Variants in DPP6 observed in about 807,000 individuals in gnomAD.
DPP6 encodes dipeptidyl peptidase like 6, also known as A-type potassium channel modulatory protein DPP6.
In DPP6, 69 loss-of-function variants were observed where a neutral mutation model predicts 122.6. The ratio of observed to expected loss-of-function variants is 0.56; its 90% confidence interval spans 0.46 to 0.69. The LOEUF is 0.69. Among genes scored for constraint, DPP6 ranks in the 30% least tolerant of loss-of-function variants. The pLI, the probability that DPP6 is intolerant of heterozygous loss-of-function variation, is 0.00. For missense variants in DPP6, 928 were observed against 1,116.9 expected (o/e 0.83, Z 2.41); for synonymous variants, 418 against 433.1 (o/e 0.97, Z 0.43).
At chr7:154,642,189 C>A (rs1836146819) in intron 6 of DPP6, among the ~76,000 whole-genome samples, 1 of 152,120 alleles carries the variant, frequency 6.6e-6, no homozygotes, top group South Asian at 2.1e-4. Flanking sequence ...ACCCTGCAGC[C>A]ACATAGACCT....
intron 3 of DPP6, among the ~76,000 whole-genome samples, chr7:154,497,521 A>G (rs933868285): frequency 1.3e-5 from 2 of 151,964 alleles, no homozygotes; most frequent in Non-Finnish European, 2.9e-5. Context: ...AGGCAGGACA[A>G]TCATTTGAAC....
At chr7:154,748,286 A>C (rs948379337) in intron 8 of DPP6, among the ~76,000 whole-genome samples, 1 of 152,180 alleles carries the variant, frequency 6.6e-6, no homozygotes, top group Non-Finnish European at 1.5e-5. Context: ...GTCAGTCTGC[A>C]GTAACAGCTA....
chr7:154,495,250 G>A (rs1332335350), intron 3 of DPP6, among the ~76,000 whole-genome samples: 2 of 152,186 alleles, frequency 1.3e-5, no homozygotes, highest in African/African-American at 4.8e-5. Context: ...CGTTTCTGCA[G>A]GCCCCTCTCT....
At chr7:153,993,668 G>A (rs189131787) in intron 1 of DPP6, among the ~76,000 whole-genome samples, 1 of 152,302 alleles carries the variant, frequency 6.6e-6, no homozygotes, top group Admixed American at 6.5e-5. Flanking sequence ...ATCATAATGG[G>A]TGTGAGTTCT....
chr7:154,630,890 A>C (rs980216503), intron 5 of DPP6, among the ~76,000 whole-genome samples: 8 of 152,210 alleles, frequency 5.3e-5, no homozygotes, highest in African/African-American at 1.9e-4. Context: ...AGCATGGCAC[A>C]TGTATACCTA....
intron 7 of DPP6, among the ~76,000 whole-genome samples, chr7:154,694,656 A>G (rs116366601): frequency 0.02 from 3,036 of 152,158 alleles, 102 homozygotes; most frequent in African/African-American, 0.069. Context: ...TGTATGTACT[A>G]ATCTTCAACA....
intron 1 of DPP6, among the ~76,000 whole-genome samples, chr7:154,022,913 G>C (rs1798773342): frequency 6.6e-6 from 1 of 152,198 alleles, no homozygotes; most frequent in South Asian, 2.1e-4. Flanking sequence ...CAACTGGTTT[G>C]CATGTGGCTT....
In DPP6 at chr7:154,755,860, C is replaced by T. The variant is rs138332238; in HGVS notation, c.884-13557C>T. ...GTTAGGACAAGGTGGCCTCTGTCTTCATCGTGTGTCTTGGGTCCCCCTTCG... is the reference window on the plus strand; with the variant it reads ...GTTAGGACAAGGTGGCCTCTGTCTTTATCGTGTGTCTTGGGTCCCCCTTCG... On this transcript the variant is annotated intron_variant, in intron 8 of 25. Coordinates refer to ENST00000377770, the MANE Select transcript of DPP6 (RefSeq NM_130797.4). This position sits in a 1 kb window ranked among gnomAD's most constrained non-coding sequence, Gnocchi z 4.7. 9.0e-3 allele frequency among the ~76,000 whole-genome samples: 1,367 copies of T among 152,324 alleles called. 7 individuals are homozygous for T. Among genetic ancestry groups the T allele is most frequent in the Middle Eastern group, 0.017 (5 of 294 alleles).
the DPP6 span, among the ~76,000 whole-genome samples, chr7:153,792,585 T>A: frequency 6.6e-6 from 1 of 152,230 alleles, no homozygotes; most frequent in African/African-American, 2.4e-5. Context: ...ATTTTGTCAG[T>A]GTTTGTCTTT....
At position 154,159,192 on chromosome 7, in the gene DPP6, G is replaced by A. The variant is rs1397909037; in HGVS notation, c.243+106129G>A. ...CCCGCACCCGGGCCCTCCCATCCCC[G>A]AGCCCCTGCTCCGTGGTTCCTGGCA... On this transcript the variant is annotated intron_variant, in intron 1 of 25. Coordinates refer to ENST00000377770, the MANE Select transcript of DPP6 (RefSeq NM_130797.4). Among the ~76,000 whole-genome samples, 5 of 152,202 alleles carry A rather than the reference G, an allele frequency of 3.3e-5. No homozygotes were observed. In the East Asian group the frequency reaches 9.7e-4, roughly 29 times the overall value.
chr7:153,999,759 G>A (rs554625439), intron 1 of DPP6, among the ~76,000 whole-genome samples: 9 of 152,312 alleles, frequency 5.9e-5, no homozygotes, highest in African/African-American at 1.9e-4. Flanking sequence ...AAGAGTTTGA[G>A]ACTAGCCTGG....
chr7:154,499,763 C>T (rs1055450005), intron 3 of DPP6, among the ~76,000 whole-genome samples: 1 of 152,024 alleles, frequency 6.6e-6, no homozygotes, highest in Non-Finnish European at 1.5e-5. Flanking sequence ...CCCCCCAGAT[C>T]CCATACACTA....
intron 7 of DPP6, among the ~76,000 whole-genome samples, chr7:154,713,790 A>G (rs1841331237): frequency 6.6e-6 from 1 of 152,108 alleles, no homozygotes; most frequent in East Asian, 1.9e-4. Context: ...TGCCCTGGGG[A>G]CATTTTCCCT....
At chr7:154,444,186 G>A (rs1395318432) in intron 1 of DPP6, among the ~76,000 whole-genome samples, 4 of 152,128 alleles carry the variant, frequency 2.6e-5, no homozygotes, top group Non-Finnish European at 4.4e-5. Flanking sequence ...GGCCAGGCGC[G>A]GTGGCTCACG....
chr7:153,785,424 A>G, the DPP6 span, among the ~76,000 whole-genome samples: 203 of 152,162 alleles, frequency 1.3e-3, no homozygotes, highest in Non-Finnish European at 2.4e-3. Context: ...TCAATTATAC[A>G]CAATTTTAGT....
At chr7:153,997,386 G>A (rs1273824740) in intron 1 of DPP6, among the ~76,000 whole-genome samples, 2 of 152,070 alleles carry the variant, frequency 1.3e-5, no homozygotes, top group Non-Finnish European at 2.9e-5. Flanking sequence ...TTCCCATTAT[G>A]TCTGAGTCTT....
chr7:154,633,887 A>G (rs1835556841), intron 5 of DPP6, among the ~76,000 whole-genome samples: 3 of 152,008 alleles, frequency 2.0e-5, no homozygotes, highest in Non-Finnish European at 1.5e-5. Context: ...GAAGCCTTCT[A>G]TTTGTATCAA....
intron 4 of DPP6, among the ~76,000 whole-genome samples, chr7:154,552,509 C>G (rs1174916303): frequency 6.6e-6 from 1 of 152,202 alleles, no homozygotes; most frequent in Non-Finnish European, 1.5e-5. Context: ...CAGGGGCGTC[C>G]AAGCTCACAA....
chr7:154,793,437 T>C (rs1308000393), intron 10 of DPP6, among the ~76,000 whole-genome samples: 3 of 152,134 alleles, frequency 2.0e-5, no homozygotes, highest in Non-Finnish European at 4.4e-5. Flanking sequence ...GCACAGAGCC[T>C]GTGGTAGTTT....
Sources: gnomAD v4.1 joint callset for allele counts (sites outside exome capture counted in the v4.1 genomes callset) on GRCh38, gnomAD v4.1.1 for gene constraint, Gnocchi (gnomAD v3.1) non-coding constraint, MANE v1.5 for transcripts, NCBI Gene and HGNC (gene_info 2026-07-23, HGNC 2026-07-21) for gene names.